AKAP13: variants seen among roughly 807,000 people sequenced by gnomAD.
AKAP13 encodes the protein A-kinase anchor protein 13.
Under a neutral mutation model 264.5 loss-of-function variants are expected in AKAP13, and 80 were observed. The ratio of observed to expected loss-of-function variants is 0.30; its 90% CI spans 0.25 to 0.36. The LOEUF (loss-of-function observed/expected upper bound fraction) is 0.36. AKAP13 is among the 10% of genes least tolerant of loss of function. The pLI, the probability that AKAP13 is intolerant of heterozygous loss-of-function variation, is 1.00. For missense variants in AKAP13, 3,712 were observed against 3,435.2 expected, an observed-to-expected ratio of 1.08 and a Z score of -2.01; for synonymous variants, 1,380 against 1,250.2, an observed-to-expected ratio of 1.10 and a Z score of -2.19.
In AKAP13 at chr15:85,570,671, C is replaced by T. The variant is rs528683483; in HGVS notation, c.663-4460C>T. ...GGAGCAGTCCTGTGCTTTGTAGGAT[C>T]CCCTCCTACTCCTGAGTTGTGACAA... is the stretch of plus-strand genomic sequence containing the variant. On this transcript the variant is annotated intron_variant, in intron 5 of 36. Coordinates refer to ENST00000394518, the MANE Select transcript of AKAP13 (RefSeq NM_007200.5). Among the ~76,000 whole-genome samples, 3 of 152,262 alleles carry T rather than the reference C, an allele frequency of 2.0e-5. No individual in the cohort carries two copies. The East Asian group carries it at 5.8e-4, about 29-fold the overall frequency.
intron 1 of AKAP13, among the ~76,000 whole-genome samples, chr15:85,429,423 T>C (rs2072933064): frequency 6.6e-6 from 1 of 152,230 alleles, no homozygotes; most frequent in Non-Finnish European, 1.5e-5. Flanking sequence ...AAACTATTTC[T>C]TAAAATTCTA....
At chr15:85,692,920 C>G (rs1054749252) in intron 16 of AKAP13, among the ~76,000 whole-genome samples, 9 of 152,176 alleles carry the variant, frequency 5.9e-5, no homozygotes, top group African/African-American at 1.9e-4. Flanking sequence ...ACCCATGACT[C>G]TCTTCCTGTG....
At chr15:85,554,407 A>T (rs1225687453) in intron 5 of AKAP13, among the ~76,000 whole-genome samples, 1 of 152,198 alleles carries the variant, frequency 6.6e-6, no homozygotes, top group Non-Finnish European at 1.5e-5. Flanking sequence ...TTTAACCACC[A>T]TTCAGTTTCT....
chr15:85,666,102 C>G (rs2083580207), intron 13 of AKAP13, among the ~76,000 whole-genome samples: 1 of 152,242 alleles, frequency 6.6e-6, no homozygotes, highest in South Asian at 2.1e-4. Flanking sequence ...AATCGCCACA[C>G]TGTCTTCCAC....
intron 1 of AKAP13, among the ~76,000 whole-genome samples, chr15:85,381,520 G>GTTTTT (rs1567029535): frequency 2.2e-5 from 1 of 44,768 alleles, no homozygotes; most frequent in African/African-American, 7.4e-5. Context: ...ACGGTTTACT[G>GTTTTT]CTTTTTTTTT....
At position 85,494,258 on chromosome 15, in the gene AKAP13, A is replaced by C. The variant is rs145936383; in HGVS notation, c.33+8505A>C. Among the ~76,000 whole-genome samples the C allele has an allele frequency of 4.6e-5, 7 of 152,320 alleles. No individual in the cohort carries two copies. In the East Asian group the frequency reaches 1.3e-3, roughly 29 times the overall value. On this transcript the variant is annotated intron_variant, in intron 2 of 36. Coordinates refer to ENST00000394518, the MANE Select transcript of AKAP13 (RefSeq NM_007200.5). ...AGCAACCTAGCAACTAGACTCCAGAAACAGTAAATAAATCCTCCCTCAGAC... is the reference window on the plus strand; with the variant it reads ...AGCAACCTAGCAACTAGACTCCAGACACAGTAAATAAATCCTCCCTCAGAC...
At position 85,744,179 on chromosome 15, in the gene AKAP13, T is replaced by TG. The variant is rs1296049391; in HGVS notation, c.8392+355dup. On this transcript the variant is annotated intron_variant, in intron 36 of 36. Transcript: ENST00000394518. ...AGCATTTGGTGATTTAACCCTCAAA[T>TG]GACTGTATGAAGTTGGCACTGCTAA... 8 of 307,850 alleles carry TG rather than the reference T, an allele frequency of 2.6e-5. No individual in the cohort carries two copies. In the Admixed American group the frequency reaches 3.9e-4, roughly 15 times the overall value. 19.1% of individuals were successfully genotyped at this position (307,850 alleles called of 1,614,324 possible).
chr15:85,693,361 C>G lies in AKAP13; in HGVS notation c.5374C>G (p.His1792Asp). 1 of 1,613,926 alleles carries G rather than the reference C, an allele frequency of 6.2e-7. No individual in the cohort carries two copies. The highest frequency in any genetic ancestry group is 8.5e-7 in the Non-Finnish European group (1 of 1,179,958). ...KEKDKKTVNG[H>D]TFSSIPVVGP... is the part of the protein sequence containing the mutation. Reference sequence around the variant, plus strand: ...GAAAGATAAGAAGACTGTCAACGGGCACACTTTCAGTTCCATTCCTGTTGT... The same window carrying G: ...GAAAGATAAGAAGACTGTCAACGGGGACACTTTCAGTTCCATTCCTGTTGT... Residue 1792 changes from histidine (H) to aspartate (D), a missense_variant, in exon 17 of 37, where the codon CAC becomes GAC. Around this residue, in one of 3 missense-constraint regions of AKAP13, gnomAD observed 2,759 missense variants for 2,411.7 expected, o/e 1.14. Transcript: ENST00000394518.
chr15:85,742,041 A>G (rs751766089), intron 35 of AKAP13, among the ~76,000 whole-genome samples: 13 of 152,182 alleles, frequency 8.5e-5, no homozygotes, highest in Non-Finnish European at 1.6e-4. Flanking sequence ...TCTCAAAAAA[A>G]CACACACAGA....
chr15:85,434,188 C>A (rs1230623621), intron 1 of AKAP13, among the ~76,000 whole-genome samples: 1 of 152,042 alleles, frequency 6.6e-6, no homozygotes, highest in Non-Finnish European at 1.5e-5. Flanking sequence ...AGTTCCCTTT[C>A]CGAGTCAAAG....
intron 16 of AKAP13, chr15:85,692,996 G>C (rs1237803486): frequency 2.9e-6 from 1 of 340,536 alleles, no homozygotes; most frequent in South Asian, 3.4e-5. Context: ...TTGCAGTGCT[G>C]GTCCTTGGGT....
At chr15:85,734,700 A>T (rs1056717989) in intron 30 of AKAP13, among the ~76,000 whole-genome samples, 2 of 152,212 alleles carry the variant, frequency 1.3e-5, no homozygotes. Flanking sequence ...TCTGCTTTGG[A>T]TATGATTCCA....
chr15:85,405,805 T>G (rs540822485), intron 1 of AKAP13, among the ~76,000 whole-genome samples: 2 of 152,118 alleles, frequency 1.3e-5, no homozygotes, highest in African/African-American at 2.4e-5. Flanking sequence ...GAAAGTACTC[T>G]CTGTTGCATG....
chr15:85,512,302 A>G (rs1323792801), intron 2 of AKAP13, among the ~76,000 whole-genome samples: 1 of 152,140 alleles, frequency 6.6e-6, no homozygotes, highest in East Asian at 1.9e-4. Context: ...TTTGGACCCA[A>G]GCAACACGTT....
chr15:85,747,819 T>TTAAC lies in AKAP13; in HGVS notation c.*3144_*3147dup, dbSNP rs2089414500. On this transcript the variant is annotated 3_prime_UTR_variant, in exon 37 of 37. Coordinates refer to ENST00000394518, the MANE Select transcript of AKAP13 (RefSeq NM_007200.5). ...AGGTTTTTTTGGAAAGGTACGAATCTTAACTTTTTTCCCCTTCTGTGTCTC... is the reference window on the plus strand; with the variant it reads ...AGGTTTTTTTGGAAAGGTACGAATCTTAACTAACTTTTTTCCCCTTCTGTGTCTC... 6.5e-6 allele frequency: 1 copy of TTAAC among 153,080 alleles called. No individual in the cohort carries two copies. Among genetic ancestry groups the TTAAC allele is most frequent in the Non-Finnish European group, 1.5e-5 (1 of 68,050 alleles). 9.5% of individuals were successfully genotyped at this position (153,080 alleles called of 1,614,324 possible).
chr15:85,710,245 A>G (rs2086565790), intron 18 of AKAP13, among the ~76,000 whole-genome samples: 1 of 152,210 alleles, frequency 6.6e-6, no homozygotes, highest in Admixed American at 6.5e-5. Context: ...TAAATGAGAA[A>G]GGTGCCAGTC....
chr15:85,662,486 G>A (rs377733055), intron 12 of AKAP13: 10 of 1,613,116 alleles, frequency 6.2e-6, no homozygotes, highest in Admixed American at 3.3e-5. Context: ...GCCACCAAAT[G>A]GGGAACCATA....
At chr15:85,571,809 T>C (rs939648781) in intron 5 of AKAP13, among the ~76,000 whole-genome samples, 1 of 152,002 alleles carries the variant, frequency 6.6e-6, no homozygotes, top group African/African-American at 2.4e-5. Context: ...GCGAAATGAG[T>C]TTGGAAGAGT....
chr15:85,393,131 C>T (rs748698961), intron 1 of AKAP13, among the ~76,000 whole-genome samples: 5 of 152,270 alleles, frequency 3.3e-5, no homozygotes, highest in South Asian at 4.1e-4. Flanking sequence ...AAGGGAGGTC[C>T]GTTGTGACAT....
Sources: allele counts gnomAD v4.1 joint callset (sites outside exome capture counted in the v4.1 genomes callset), GRCh38; gene constraint gnomAD v4.1.1; regional missense constraint gnomAD v4.1.1; transcripts MANE v1.5; gene names NCBI Gene and HGNC (gene_info 2026-07-23, HGNC 2026-07-21).